Variants in INTS6 observed in about 807,000 individuals in gnomAD.
INTS6 encodes the protein integrator complex subunit 6.
Under a neutral mutation model 104.9 loss-of-function variants are expected in INTS6, and 16 were observed. The ratio of observed to expected loss-of-function variants is 0.15; its 90% CI spans 0.10 to 0.23. INTS6 has a LOEUF of 0.23. INTS6 is among the 10% of genes least tolerant of loss of function. INTS6 has a pLI of 1.00. For synonymous variants in INTS6, 324 were observed against 358.7 expected, an observed-to-expected ratio of 0.90 and a Z score of 1.09; for missense variants, 584 against 1,062.8, an observed-to-expected ratio of 0.55 and a Z score of 6.26.
intron 4 of INTS6, among the ~76,000 whole-genome samples, chr13:51,414,092 A>G (rs530573331): frequency 1.3e-5 from 2 of 152,284 alleles, no homozygotes; most frequent in African/African-American, 4.8e-5. Flanking sequence ...GGTCATGCTT[A>G]TATTAGGAAG....
intron 4 of INTS6, among the ~76,000 whole-genome samples, chr13:51,399,211 A>G (rs1384491129): frequency 6.7e-6 from 1 of 148,304 alleles, no homozygotes; most frequent in East Asian, 2.0e-4. Flanking sequence ...TATCATAATT[A>G]GTTTTATTTT....
At chr13:51,354,476 C>G (rs1187898325) in intron 3 of INTS6, 1 of 151,840 alleles carries the variant, frequency 6.6e-6, no homozygotes, top group African/African-American at 2.4e-5. Flanking sequence ...TGAATTGGAG[C>G]CTGGCACAGT....
intron 4 of INTS6, among the ~76,000 whole-genome samples, chr13:51,398,275 G>A (rs1159595725): frequency 6.6e-6 from 1 of 152,032 alleles, no homozygotes; most frequent in African/African-American, 2.4e-5. Context: ...AAGGGGGTGG[G>A]GAGGTCTTCC....
At chr13:51,340,265 G>A in the INTS6 span, among the ~76,000 whole-genome samples, 3 of 152,142 alleles carry the variant, frequency 2.0e-5, no homozygotes, top group African/African-American at 7.2e-5. Flanking sequence ...CATGGTCGTT[G>A]AAAACATTTT....
intron 6 of INTS6, among the ~76,000 whole-genome samples, chr13:51,388,631 G>A (rs1028678844): frequency 1.3e-5 from 2 of 152,150 alleles, no homozygotes; most frequent in Non-Finnish European, 2.9e-5. Flanking sequence ...AACCTCAGGT[G>A]ATCCACCCAC....
At chr13:51,400,744 G>C (rs1956421186) in intron 4 of INTS6, among the ~76,000 whole-genome samples, 1 of 152,194 alleles carries the variant, frequency 6.6e-6, no homozygotes, top group African/African-American at 2.4e-5. Context: ...GATATGTGTA[G>C]TAAAAATAAG....
At chr13:51,432,295 C>T (rs910790486) in intron 3 of INTS6, among the ~76,000 whole-genome samples, 1 of 152,022 alleles carries the variant, frequency 6.6e-6, no homozygotes, top group African/African-American at 2.4e-5. Context: ...AATACCACTT[C>T]CCTACAACAT....
At chr13:51,415,139 G>C (rs1374908976) in intron 4 of INTS6, among the ~76,000 whole-genome samples, 1 of 149,946 alleles carries the variant, frequency 6.7e-6, no homozygotes, top group Admixed American at 6.6e-5. Flanking sequence ...TTTTTTAAAG[G>C]AAAGGATGTA....
At chr13:51,381,605 G>A (rs7329338) in intron 10 of INTS6, among the ~76,000 whole-genome samples, 101,717 of 151,994 alleles carry the variant, frequency 0.67, 35,560 homozygotes, top group African/African-American at 0.89. Context: ...TCATCTGTAT[G>A]CTCAATTTTC....
At chr13:51,397,415 T>C (rs1368425664) in intron 4 of INTS6, among the ~76,000 whole-genome samples, 3 of 152,168 alleles carry the variant, frequency 2.0e-5, no homozygotes, top group African/African-American at 7.2e-5. Flanking sequence ...ATGAGTTCTT[T>C]CTCTGGCACG....
At chr13:51,354,969 G>A in intron 3 of INTS6, 1 of 716,216 alleles carries the variant, frequency 1.4e-6, no homozygotes, top group South Asian at 1.8e-5. Context: ...TAGGGATTTT[G>A]GACTTCATGT....
chr13:51,449,782 T>C (rs894708118), intron 3 of INTS6: 1 of 985,182 alleles, frequency 1.0e-6, no homozygotes, highest in African/African-American at 1.7e-5. Context: ...ATTGCAAATC[T>C]ACCTAAATTA....
Position 51,395,191 on chromosome 13 carries a change from T to C in INTS6, c.613+109A>G, listed in dbSNP as rs1451748868. 9 of 1,071,588 alleles carry C rather than the reference T, an allele frequency of 8.4e-6. No individual in the cohort carries two copies. In the Middle Eastern group the frequency reaches 9.6e-4, roughly 114 times the overall value. 66.4% of individuals were successfully genotyped at this position (1,071,588 alleles called of 1,614,324 possible). On this transcript the variant is annotated intron_variant, in intron 5 of 17. Coordinates refer to ENST00000311234, the MANE Select transcript of INTS6 (RefSeq NM_012141.3). ...AAAAGCATATATGCCTAATTCCTAA[T>C]ATTAACTTGTGAAATAAAAACAAAC...
chr13:51,431,567 ATAT>A (rs1179872157), intron 3 of INTS6, among the ~76,000 whole-genome samples: 1 of 152,178 alleles, frequency 6.6e-6, no homozygotes, highest in Non-Finnish European at 1.5e-5. Context: ...AATTCCTAAC[ATAT>A]TATAATATAT....
At chr13:51,406,135 G>A (rs1342583196) in intron 4 of INTS6, among the ~76,000 whole-genome samples, 3 of 152,106 alleles carry the variant, frequency 2.0e-5, no homozygotes, top group Non-Finnish European at 4.4e-5. Context: ...AGTAAGTGCT[G>A]CAGATCCGCA....
At chr13:51,421,715 T>G (rs964651881) in intron 4 of INTS6, among the ~76,000 whole-genome samples, 5 of 152,152 alleles carry the variant, frequency 3.3e-5, no homozygotes, top group Non-Finnish European at 7.3e-5. Flanking sequence ...CTCAACATTT[T>G]CATTCTCTCA....
intron 4 of INTS6, among the ~76,000 whole-genome samples, chr13:51,417,850 T>C (rs9526759): frequency 0.12 from 17,922 of 152,288 alleles, 1,322 homozygotes; most frequent in South Asian, 0.21. Flanking sequence ...CTCTCAATTC[T>C]ATCTCACTGA....
intron 17 of INTS6, among the ~76,000 whole-genome samples, chr13:51,367,142 A>G (rs569295069): frequency 3.8e-4 from 58 of 152,088 alleles, no homozygotes; most frequent in Non-Finnish European, 7.5e-4. Flanking sequence ...ATTCTCCCAT[A>G]TGCTCTAAAT....
chr13:51,420,435 G>A (rs1956875620), intron 4 of INTS6, among the ~76,000 whole-genome samples: 1 of 151,730 alleles, frequency 6.6e-6, no homozygotes, highest in Non-Finnish European at 1.5e-5. Context: ...TGAGTTCTGT[G>A]AGTGCTTCAA....
Sources: gnomAD v4.1 joint callset for allele counts (sites outside exome capture counted in the v4.1 genomes callset) on GRCh38, gnomAD v4.1.1 for gene constraint, MANE v1.5 for transcripts, NCBI Gene and HGNC (gene_info 2026-07-23, HGNC 2026-07-21) for gene names.